The following ASB9 variants were observed in gnomAD, a reference collection of about 807,000 sequenced individuals.
ASB9 encodes ankyrin repeat and SOCS box protein 9.
A neutral mutation model predicts 16.6 loss-of-function variants in ASB9; 5 were observed. The observed-to-expected ratio is 0.30, with a 90% CI of 0.16 to 0.63. The LOEUF is 0.63. Ranked by LOEUF, ASB9 falls within the 30% of genes least tolerant of loss-of-function variation. ASB9 has a pLI of 0.82. For missense variants in ASB9, 216 were observed against 229.4 expected, an observed-to-expected ratio of 0.94 and a Z score of 0.38; for synonymous variants, 100 against 86.4, an observed-to-expected ratio of 1.16 and a Z score of -0.87.
chrX:15,261,830 G>A (rs973442497), intron 1 of ASB9, among the ~76,000 whole-genome samples: 5 of 112,121 alleles, frequency 4.5e-5, no homozygotes, highest in African/African-American at 1.6e-4. Flanking sequence ...CATTTAATGT[G>A]TACAATTCAG....
At chrX:15,269,739 G>C in intron 1 of ASB9, 42 bp downstream of exon 1, 8 of 1,131,547 alleles carry the variant, frequency 7.1e-6, no homozygotes, top group Non-Finnish European at 9.5e-6. Flanking sequence ...AAGCACATTA[G>C]CCAACCTCCC....
Position 15,255,816 on chromosome X carries a change from A to G in ASB9, c.175-972T>C, listed in dbSNP as rs141645183. ...TAGACTGCTGCATGTACCTTTTAGGAAGCCTAAATGTACTTTCTTATTTTA... is the reference window on the plus strand; with the variant it reads ...TAGACTGCTGCATGTACCTTTTAGGGAGCCTAAATGTACTTTCTTATTTTA... On this transcript the variant is annotated intron_variant, in intron 2 of 6. Coordinates refer to ENST00000380488, the MANE Select transcript of ASB9 (RefSeq NM_001031739.3). Among the ~76,000 whole-genome samples, 891 of 112,066 alleles carry G rather than the reference A, an allele frequency of 8.0e-3. 10 individuals are homozygous for G. Among genetic ancestry groups the G allele is most frequent in the African/African-American group, 0.028 (860 of 30,850 alleles).
Position 15,248,761 on chromosome X carries a change from A to G in ASB9, c.743T>C (p.Leu248Pro), listed in dbSNP as rs772154399. The G allele has an allele frequency of 8.3e-7, 1 of 1,207,107 alleles. No homozygotes were observed. The highest frequency in any genetic ancestry group is 1.1e-6 in the Non-Finnish European group (1 of 893,499). Residue 248 changes from leucine to proline, a missense_variant, in exon 6 of 7, where the codon CTC becomes CCC. Coordinates refer to ENST00000380488, the MANE Select transcript of ASB9 (RefSeq NM_001031739.3). ...LVPPESPLAQ[L>P]FLEREGPPSL... is the part of the protein sequence containing the mutation. The stretch of plus-strand genomic sequence containing the variant: ...AGAAGCACCTTCTCTCTCCAAGAAG[A>G]GCTGGGCCAAGGGGCTCTCTGGAGG...
Position 15,254,862 on chromosome X carries a change from G to A in ASB9, c.175-18C>T, listed in dbSNP as rs2291125. 9.3e-5 allele frequency: 108 copies of A among 1,165,917 alleles called. 2 individuals are homozygous for A. The East Asian group carries it at 3.2e-3, about 34-fold the overall frequency. ...GCCCACCCCTGAAGGAGGGGAAACA[G>A]TCAGAGTAAGGGGTGCAAAGCAACA... On this transcript the variant is annotated intron_variant, in intron 2 of 6. Coordinates refer to ENST00000380488, the MANE Select transcript of ASB9 (RefSeq NM_001031739.3).
At chrX:15,269,511 G>A (rs779796701) in intron 1 of ASB9, among the ~76,000 whole-genome samples, 1 of 112,170 alleles carries the variant, frequency 8.9e-6, no homozygotes, top group South Asian at 3.7e-4. Context: ...TAATGCATTT[G>A]ACCCACAAAG....
chrX:15,269,364 T>C (rs762849674), intron 1 of ASB9, among the ~76,000 whole-genome samples: 15 of 112,067 alleles, frequency 1.3e-4, no homozygotes, highest in Middle Eastern at 9.2e-3. Flanking sequence ...AGTGACTCAA[T>C]CAGTGCTCAA....
chrX:15,267,484 C>G (rs1926591450), intron 1 of ASB9, among the ~76,000 whole-genome samples: 1 of 90,032 alleles, frequency 1.1e-5, no homozygotes, highest in Admixed American at 1.3e-4. Context: ...GTGGCTCACG[C>G]CTGTAATCCC....
intron 2 of ASB9, among the ~76,000 whole-genome samples, chrX:15,256,579 C>A (rs1363644968): frequency 2.8e-5 from 3 of 106,970 alleles, no homozygotes; most frequent in African/African-American, 1.0e-4. Context: ...AGATCGAGAC[C>A]ATCCTGGCTA....
intron 2 of ASB9, 94 bp downstream of exon 2, chrX:15,258,772 A>C: frequency 1.5e-6 from 1 of 663,849 alleles, no homozygotes; most frequent in Non-Finnish European, 2.4e-6. Flanking sequence ...TCTTCTATTT[A>C]ATGAATTAAT....
chrX:15,267,414 A>AC (rs1286671684), intron 1 of ASB9, among the ~76,000 whole-genome samples: 1 of 53,267 alleles, frequency 1.9e-5, no homozygotes, highest in Non-Finnish European at 3.8e-5. Context: ...CATCTAAAAA[A>AC]AAAATATATA....
At chrX:15,264,855 G>T (rs1926258645) in intron 1 of ASB9, among the ~76,000 whole-genome samples, 1 of 111,929 alleles carries the variant, frequency 8.9e-6, no homozygotes, top group South Asian at 3.8e-4. Flanking sequence ...GTCTAGGAGG[G>T]CTTCATGGGG....
Position 15,250,507 on chromosome X carries a change from A to C in ASB9, c.491T>G (p.Ile164Ser), listed in dbSNP as rs2147632365. ...ATAGAGTGGAGTGCCCAGGTGGCTG[A>C]TCTTATGGTCAATGTTGCCCCCATA... ...IAYGGNIDHK[I>S]SHLGTPLYLA... The change falls in exon 5 of 7, where the codon ATC (isoleucine) becomes AGC (serine). Residue 164 changes from isoleucine to serine, a missense_variant. Coordinates refer to ENST00000380488, the MANE Select transcript of ASB9 (RefSeq NM_001031739.3). The C allele has an allele frequency of 8.3e-7, 1 of 1,207,815 alleles. No individual in the cohort carries two copies. The highest frequency in any genetic ancestry group is 1.7e-5 in the African/African-American group (1 of 57,175).
chrX:15,270,464 G>C (rs890572693), upstream of ASB9: 1 of 108,612 alleles, frequency 9.2e-6, no homozygotes, highest in African/African-American at 3.4e-5. Context: ...CTGGCCATCT[G>C]TACATGTGCT....
Position 15,269,878 on chromosome X carries a change from G to A in ASB9, c.-4C>T, listed in dbSNP as rs757030999. 8.4e-7 allele frequency: 1 copy of A among 1,195,266 alleles called. No individual in the cohort carries two copies. Among genetic ancestry groups the A allele is most frequent in the African/African-American group, 1.8e-5 (1 of 56,816 alleles). ...TGCCCCCTTGTTTGCCATCCATGAT[G>A]CTCTCTCCTAAGCGAGCAAGCTCTG... On this transcript the variant is annotated 5_prime_UTR_variant, in exon 1 of 7. Transcript: ENST00000380488.
At chrX:15,254,186 C>T (rs1212510514) in intron 3 of ASB9, among the ~76,000 whole-genome samples, 2 of 112,149 alleles carry the variant, frequency 1.8e-5, no homozygotes, top group Admixed American at 9.5e-5. Flanking sequence ...ACTGTCCTGC[C>T]GTAAGGAATG....
chrX:15,257,764 G>A (rs1011308059), intron 2 of ASB9, among the ~76,000 whole-genome samples: 8 of 111,635 alleles, frequency 7.2e-5, no homozygotes, highest in East Asian at 2.8e-4. Flanking sequence ...ATTTTCAGTC[G>A]TCAACTACGC....
chrX:15,259,145 T>G (rs985515562), intron 1 of ASB9, 200 bp from the exon 2 acceptor site: 3 of 334,994 alleles, frequency 9.0e-6, no homozygotes, highest in Non-Finnish European at 1.6e-5. Flanking sequence ...AATGTCTGGA[T>G]AGCTTGGGAA....
intron 2 of ASB9, among the ~76,000 whole-genome samples, 179 bp downstream of exon 2, chrX:15,258,687 T>C (rs1368037999): frequency 8.9e-6 from 1 of 112,563 alleles, no homozygotes; most frequent in Non-Finnish European, 1.9e-5. Flanking sequence ...ACAATTGCTG[T>C]AGACATCTAA....
At chrX:15,266,820 C>T (rs1208587345) in intron 1 of ASB9, among the ~76,000 whole-genome samples, 1 of 108,976 alleles carries the variant, frequency 9.2e-6, no homozygotes, top group African/African-American at 3.4e-5. Flanking sequence ...CCTGTAGTCC[C>T]AGCTACTCAG....
Sources: gnomAD v4.1 joint callset for allele counts (sites outside exome capture counted in the v4.1 genomes callset) on GRCh38, gnomAD v4.1.1 for gene constraint, MANE v1.5 for transcripts, NCBI Gene and HGNC (gene_info 2026-07-23, HGNC 2026-07-21) for gene names.